FHIT: variants seen among roughly 807,000 people sequenced by gnomAD.
The protein encoded by FHIT is fragile histidine triad diadenosine triphosphatase.
FHIT carries 19 observed loss-of-function variants against 17.9 expected under a neutral mutation model. That is an observed-to-expected ratio of 1.06 (90% CI 0.74 to 1.56). The LOEUF (loss-of-function observed/expected upper bound fraction) is 1.56. FHIT is among the 40% of genes most tolerant of loss of function. The pLI is 0.00. For synonymous variants in FHIT, 81 were observed against 69.7 expected, an observed-to-expected ratio of 1.16 and a Z score of -0.81; for missense variants, 248 against 189.2, an observed-to-expected ratio of 1.31 and a Z score of -1.82.
intron 5 of FHIT, among the ~76,000 whole-genome samples, chr3:60,136,005 T>G (rs1699800644): frequency 6.6e-6 from 1 of 152,176 alleles, no homozygotes; most frequent in Admixed American, 6.5e-5. Flanking sequence ...TATATGTATT[T>G]GAGTAATTGC....
chr3:59,914,436 A>G (rs149961678), intron 8 of FHIT, among the ~76,000 whole-genome samples: 90 of 152,226 alleles, frequency 5.9e-4, no homozygotes, highest in African/African-American at 2.0e-3. Flanking sequence ...AGGCCTTAGG[A>G]TTCCTTCCTG....
chr3:60,905,594 C>T (rs1001926307), intron 3 of FHIT, among the ~76,000 whole-genome samples: 3 of 152,080 alleles, frequency 2.0e-5, no homozygotes, highest in Non-Finnish European at 4.4e-5. Context: ...TCCATAGATA[C>T]AATCAATAGT....
At chr3:60,732,145 TA>T in intron 4 of FHIT, 1 of 769,878 alleles carries the variant, frequency 1.3e-6, no homozygotes, top group Non-Finnish European at 2.2e-6. Flanking sequence ...AAGTCAAACT[TA>T]GTAGAGCTGT....
intron 5 of FHIT, among the ~76,000 whole-genome samples, chr3:60,139,617 C>G (rs761717814): frequency 2.0e-5 from 3 of 152,056 alleles, no homozygotes; most frequent in Non-Finnish European, 4.4e-5. Flanking sequence ...TTTACTGTTC[C>G]CCCTGACTAT....
At chr3:60,159,068 C>CT (rs924671298) in intron 5 of FHIT, among the ~76,000 whole-genome samples, 41 of 152,092 alleles carry the variant, frequency 2.7e-4, no homozygotes, top group Middle Eastern at 3.4e-3. Flanking sequence ...CCTCTTTAGA[C>CT]TTTTTTTTCT....
At chr3:61,065,791 G>A (rs961609046) in intron 2 of FHIT, among the ~76,000 whole-genome samples, 2 of 151,758 alleles carry the variant, frequency 1.3e-5, no homozygotes, top group African/African-American at 4.8e-5. Context: ...GAATATACAA[G>A]CTTTTATTCT....
chr3:60,404,118 T>C (rs1559886540), intron 5 of FHIT, among the ~76,000 whole-genome samples: 1 of 152,178 alleles, frequency 6.6e-6, no homozygotes, highest in Non-Finnish European at 1.5e-5. Context: ...TAGCTTCTGA[T>C]TGGTTGCTTT....
At chr3:60,501,099 A>T (rs1309877941) in intron 5 of FHIT, among the ~76,000 whole-genome samples, 2 of 152,200 alleles carry the variant, frequency 1.3e-5, no homozygotes, top group Non-Finnish European at 2.9e-5. Context: ...CAGAGGGACT[A>T]ACAGGCTAAT....
At chr3:60,791,335 T>C (rs1380110358) in intron 4 of FHIT, among the ~76,000 whole-genome samples, 5 of 152,022 alleles carry the variant, frequency 3.3e-5, no homozygotes, top group Non-Finnish European at 4.4e-5. Context: ...AATCAGCAAC[T>C]CAAAGAAGAA....
chr3:59,780,293 T>C (rs893265761), intron 8 of FHIT, among the ~76,000 whole-genome samples: 2 of 152,308 alleles, frequency 1.3e-5, no homozygotes, highest in African/African-American at 4.8e-5. Context: ...GCCCAATAAA[T>C]GATAGTGATT....
At chr3:60,823,327 T>A (rs1326269571) in intron 3 of FHIT, among the ~76,000 whole-genome samples, 2 of 152,146 alleles carry the variant, frequency 1.3e-5, no homozygotes, top group Admixed American at 1.3e-4. Context: ...GGAAAAAAGA[T>A]ATGTTGAAGT....
chr3:59,921,715 T>C (rs1211803122), intron 8 of FHIT, among the ~76,000 whole-genome samples: 1 of 152,236 alleles, frequency 6.6e-6, no homozygotes, highest in Non-Finnish European at 1.5e-5. Context: ...GAAATGGGCA[T>C]CTGAAAGTTC....
chr3:60,534,123 A>G (rs1378018381), intron 5 of FHIT, among the ~76,000 whole-genome samples: 1 of 152,174 alleles, frequency 6.6e-6, no homozygotes, highest in African/African-American at 2.4e-5. Flanking sequence ...GCAAAGGAGT[A>G]CCTTATTAAG....
intron 4 of FHIT, among the ~76,000 whole-genome samples, chr3:60,681,470 T>G (rs1330464820): frequency 6.6e-6 from 1 of 151,908 alleles, no homozygotes; most frequent in East Asian, 1.9e-4. Flanking sequence ...AAAGGAAGAG[T>G]CCCATGTCTC....
chr3:60,703,551 C>T (rs1200200751), intron 4 of FHIT, among the ~76,000 whole-genome samples: 8 of 152,054 alleles, frequency 5.3e-5, no homozygotes, highest in Non-Finnish European at 1.2e-4. Context: ...CAGATAGATA[C>T]AAGTTGCTAT....
chr3:60,722,927 T>C (rs1255042055), intron 4 of FHIT, among the ~76,000 whole-genome samples: 11 of 152,058 alleles, frequency 7.2e-5, no homozygotes, highest in African/African-American at 1.9e-4. Flanking sequence ...TTTCACCACA[T>C]TGGCGCTGGT....
At chr3:61,112,132 A>G (rs35555910) in intron 2 of FHIT, among the ~76,000 whole-genome samples, 60,274 of 152,096 alleles carry the variant, frequency 0.4, 13,395 homozygotes, top group Non-Finnish European at 0.51. Context: ...TTCAAAGTCC[A>G]TGCCCTTAAG....
chr3:60,736,455 T>C (rs1383587907), intron 4 of FHIT, among the ~76,000 whole-genome samples: 1 of 152,340 alleles, frequency 6.6e-6, no homozygotes, highest in East Asian at 1.9e-4. Flanking sequence ...GGGCATTATT[T>C]GGCAATAAAA....
chr3:60,370,355 G>C (rs1233204919), intron 5 of FHIT, among the ~76,000 whole-genome samples: 2 of 152,140 alleles, frequency 1.3e-5, no homozygotes, highest in Non-Finnish European at 2.9e-5. Flanking sequence ...ACTGTTCGGA[G>C]TGTTTTTCTA....
Sources: gnomAD v4.1 joint callset for allele counts (sites outside exome capture counted in the v4.1 genomes callset) on GRCh38, gnomAD v4.1.1 for gene constraint, MANE v1.5 for transcripts, NCBI Gene and HGNC (gene_info 2026-07-23, HGNC 2026-07-21) for gene names.